The following WASF1 variants were observed in gnomAD, a reference collection of about 807,000 sequenced individuals.
WASF1 encodes WASP family member 1.
In WASF1, 7 loss-of-function variants were observed where a neutral mutation model predicts 50.5. That is an observed-to-expected ratio of 0.14 (90% confidence interval 0.08 to 0.26). The LOEUF (loss-of-function observed/expected upper bound fraction) is 0.26. WASF1 is among the 10% of genes least tolerant of loss of function. WASF1 has a pLI of 1.00. For synonymous variants in WASF1, 205 were observed against 244.0 expected, an observed-to-expected ratio of 0.84 and a Z score of 1.49; for missense variants, 470 against 694.7, an observed-to-expected ratio of 0.68 and a Z score of 3.64.
chr6:110,124,230 TCTCTC>T lies in WASF1; in HGVS notation c.133+3234_133+3238del, dbSNP rs1395257244. 2.5e-4 allele frequency among the ~76,000 whole-genome samples: 13 copies of T among 52,852 alleles called. 1 individual carries two copies. The highest frequency in any genetic ancestry group is 1.1e-3 in the African/African-American group (9 of 8,124). The allele number at this position is 52,852 out of a possible 152,430, so 34.7% of individuals were successfully genotyped here. On this transcript the variant is annotated intron_variant, in intron 4 of 10. Coordinates refer to ENST00000392589, the MANE Select transcript of WASF1 (RefSeq NM_003931.3). ...CTCTCTCTCTCTCCTCTCTCTCCTC[TCTCTC>T]CTCTCTCTCTCTCTCTCTCTCTCTC...
intron 3 of WASF1, among the ~76,000 whole-genome samples, chr6:110,140,904 T>C (rs1273159181): frequency 2.0e-5 from 3 of 152,178 alleles, no homozygotes; most frequent in African/African-American, 7.2e-5. Flanking sequence ...GAGCTGAGGA[T>C]GTCAATGACC....
At chr6:110,112,909 A>C (rs868119666) in intron 5 of WASF1, among the ~76,000 whole-genome samples, 6 of 114,052 alleles carry the variant, frequency 5.3e-5, no homozygotes, top group Admixed American at 2.4e-4. Context: ...AAAAAAAAAA[A>C]CAAAAAAAAA....
At chr6:110,163,734 T>A (rs548097183) in intron 2 of WASF1, among the ~76,000 whole-genome samples, 7 of 151,736 alleles carry the variant, frequency 4.6e-5, no homozygotes, top group African/African-American at 1.7e-4. Context: ...ACAAACTGAT[T>A]CTAAAGTTTA....
intron 5 of WASF1, 22 bp from the exon 6 acceptor site, chr6:110,108,703 CATTTT>C (rs1277962930): frequency 6.3e-7 from 1 of 1,599,040 alleles, no homozygotes; most frequent in Non-Finnish European, 8.5e-7. Flanking sequence ...ATCAAGAATT[CATTTT>C]ATTTTATTTT....
chr6:110,159,993 C>T (rs564982986), intron 3 of WASF1, among the ~76,000 whole-genome samples: 2 of 151,924 alleles, frequency 1.3e-5, no homozygotes, highest in South Asian at 4.1e-4. Flanking sequence ...AGCAATTTTT[C>T]AACTCCTATT....
chr6:110,122,149 C>T (rs1774164941), intron 4 of WASF1, among the ~76,000 whole-genome samples: 1 of 150,692 alleles, frequency 6.6e-6, no homozygotes, highest in East Asian at 1.9e-4. Flanking sequence ...CAAACCTGCA[C>T]ACTATGCACA....
chr6:110,109,515 A>G (rs1035096691), intron 5 of WASF1, among the ~76,000 whole-genome samples: 1 of 151,988 alleles, frequency 6.6e-6, no homozygotes, highest in Admixed American at 6.6e-5. Context: ...CAAATGCCCT[A>G]TAACATAGCA....
rs1285845909 is a variant in WASF1 at position 110,179,444 on chromosome 6, A to C, written c.-277T>G. On this transcript the variant is annotated 5_prime_UTR_variant, in exon 1 of 11. It adds an upstream start codon to the 5' untranslated region. Transcript: ENST00000392589. ...CCTCAGGGACTCGCGCTCACCGTGA[A>C]ATCTTGGGGGCTCACGCCTTACCCC... The C allele has an allele frequency of 6.6e-6, 1 of 152,162 alleles. No individual in the cohort carries two copies. The highest frequency in any genetic ancestry group is 2.0e-4 in the East Asian group (1 of 5,122). 9.4% of individuals were successfully genotyped at this position (152,162 alleles called of 1,614,324 possible).
intron 2 of WASF1, among the ~76,000 whole-genome samples, chr6:110,177,966 C>T (rs750658704): frequency 2.4e-4 from 36 of 150,664 alleles, no homozygotes; most frequent in Admixed American, 4.0e-4. Context: ...AAATTTCATC[C>T]TTCAGGTAGA....
intron 3 of WASF1, among the ~76,000 whole-genome samples, chr6:110,132,791 G>T (rs1216223589): frequency 6.6e-6 from 1 of 151,636 alleles, no homozygotes; most frequent in Non-Finnish European, 1.5e-5. Context: ...ACAATGTTTG[G>T]TTTTTCATTC....
intron 6 of WASF1, 89 bp downstream of exon 6, chr6:110,108,439 C>A (rs1403745775): frequency 1.5e-6 from 2 of 1,367,960 alleles, no homozygotes; most frequent in Non-Finnish European, 2.0e-6. Flanking sequence ...TGGCTAGAAC[C>A]CCAATGAAAT....
intron 3 of WASF1, among the ~76,000 whole-genome samples, chr6:110,155,018 C>T (rs1324702667): frequency 6.6e-6 from 1 of 152,044 alleles, no homozygotes; most frequent in Non-Finnish European, 1.5e-5. Flanking sequence ...GAAATAGATA[C>T]TTCTGAAAGA....
intron 6 of WASF1, 82 bp from the exon 7 acceptor site, chr6:110,107,276 T>C: frequency 1.1e-6 from 1 of 875,634 alleles, no homozygotes; most frequent in Non-Finnish European, 1.7e-6. Flanking sequence ...AAAATGTTTA[T>C]CCTCTTACAT....
At chr6:110,124,274 C>CTCTATATATATATATA (rs1331534646) in intron 4 of WASF1, among the ~76,000 whole-genome samples, 1 of 20,502 alleles carries the variant, frequency 4.9e-5, no homozygotes, top group Non-Finnish European at 7.6e-5. Flanking sequence ...CTCTCTCTCT[C>CTCTATATATATATATA]TATATATATA....
At chr6:110,142,097 A>G (rs1263574609) in intron 3 of WASF1, among the ~76,000 whole-genome samples, 1 of 152,216 alleles carries the variant, frequency 6.6e-6, no homozygotes, top group Non-Finnish European at 1.5e-5. Context: ...AAAGAAATAC[A>G]TTTGAGAAAA....
intron 2 of WASF1, among the ~76,000 whole-genome samples, chr6:110,164,958 C>CT (rs1776413029): frequency 6.6e-6 from 1 of 151,696 alleles, no homozygotes; most frequent in African/African-American, 2.4e-5. Context: ...GCTACATACT[C>CT]TATGATTCCA....
chr6:110,122,809 G>A (rs1359667738), intron 4 of WASF1, among the ~76,000 whole-genome samples: 1 of 152,006 alleles, frequency 6.6e-6, no homozygotes, highest in Admixed American at 6.6e-5. Flanking sequence ...TAGGCTATAG[G>A]CAGTTAAGTT....
chr6:110,172,435 T>C (rs990022436), intron 2 of WASF1, among the ~76,000 whole-genome samples: 1 of 152,132 alleles, frequency 6.6e-6, no homozygotes, highest in Non-Finnish European at 1.5e-5. Flanking sequence ...ACAAAATTGA[T>C]AAATTTGTAG....
chr6:110,151,504 T>C (rs1317181737), intron 3 of WASF1, among the ~76,000 whole-genome samples: 3 of 152,318 alleles, frequency 2.0e-5, no homozygotes, highest in South Asian at 2.1e-4. Context: ...TTCTGTAATA[T>C]AAGAATTCTA....
Sources: gnomAD v4.1 joint callset for allele counts (sites outside exome capture counted in the v4.1 genomes callset) on GRCh38, gnomAD v4.1.1 for gene constraint, MANE v1.5 for transcripts, NCBI Gene and HGNC (gene_info 2026-07-23, HGNC 2026-07-21) for gene names.